The following SH3GL3 variants were observed in gnomAD, a reference collection of about 807,000 sequenced individuals.
The protein encoded by SH3GL3 is endophilin-A3.
In SH3GL3, 33 loss-of-function variants were observed where a neutral mutation model predicts 47.7. The observed-to-expected ratio is 0.69, with a 90% CI of 0.52 to 0.92. The LOEUF (loss-of-function observed/expected upper bound fraction) is 0.92. Ranked by LOEUF, SH3GL3 falls within the 40% of genes least tolerant of loss-of-function variation. The probability of loss-of-function intolerance (pLI) is 0.00; values close to 1 mark genes in which losing one functional copy is unlikely to be tolerated. For missense variants in SH3GL3, 363 were observed against 417.8 expected (o/e 0.87, Z 1.14); for synonymous variants, 155 against 148.8 (o/e 1.04, Z -0.30).
intron 1 of SH3GL3, among the ~76,000 whole-genome samples, chr15:83,518,005 G>C (rs1386665844): frequency 6.6e-6 from 1 of 152,112 alleles, no homozygotes; most frequent in Non-Finnish European, 1.5e-5. Context: ...TGCAGTATTT[G>C]GTTTTCTGTT....
At chr15:83,611,047 T>G (rs1163577268) in intron 8 of SH3GL3, among the ~76,000 whole-genome samples, 1 of 151,406 alleles carries the variant, frequency 6.6e-6, no homozygotes, top group African/African-American at 2.4e-5. Context: ...TCTATATATA[T>G]ATATAGAGAC....
At chr15:83,465,218 G>A (rs1002702401) in intron 1 of SH3GL3, among the ~76,000 whole-genome samples, 77 of 151,962 alleles carry the variant, frequency 5.1e-4, no homozygotes, top group African/African-American at 1.8e-3. Flanking sequence ...GCTGAGGTAG[G>A]AGACTGTCTT....
intron 3 of SH3GL3, among the ~76,000 whole-genome samples, chr15:83,566,849 T>C (rs72760377): frequency 0.04 from 6,160 of 152,294 alleles, 160 homozygotes; most frequent in Non-Finnish European, 0.061. Context: ...GGAATGTCAC[T>C]ACTCACAGTG....
intron 1 of SH3GL3, among the ~76,000 whole-genome samples, chr15:83,477,125 CTG>C (rs1269957961): frequency 3.9e-5 from 6 of 152,106 alleles, no homozygotes; most frequent in Non-Finnish European, 7.3e-5. Context: ...GGAAGAATGA[CTG>C]TGGTATGTTT....
intron 1 of SH3GL3, among the ~76,000 whole-genome samples, chr15:83,495,981 A>AT (rs142046826): frequency 0.16 from 24,850 of 151,966 alleles, 2,213 homozygotes; most frequent in Middle Eastern, 0.22. Flanking sequence ...TAAAAAAAAA[A>AT]GGAGCGGGGA....
At chr15:83,591,661 T>C (rs1317008212) in intron 8 of SH3GL3, among the ~76,000 whole-genome samples, 3 of 152,002 alleles carry the variant, frequency 2.0e-5, no homozygotes, top group Non-Finnish European at 2.9e-5. Context: ...AGTATATGTG[T>C]ATACATTTTT....
chr15:83,611,007 T>C (rs1375221592), intron 8 of SH3GL3, among the ~76,000 whole-genome samples: 2 of 150,582 alleles, frequency 1.3e-5, no homozygotes, highest in Non-Finnish European at 3.0e-5. Flanking sequence ...ATAATATGTA[T>C]GTGTGTGTGT....
At chr15:83,616,783 G>A (rs2060830775) in intron 8 of SH3GL3, among the ~76,000 whole-genome samples, 1 of 151,696 alleles carries the variant, frequency 6.6e-6, no homozygotes, top group Non-Finnish European at 1.5e-5. Flanking sequence ...AAGAGAAATC[G>A]AGAAAAACAG....
intron 1 of SH3GL3, among the ~76,000 whole-genome samples, chr15:83,506,590 A>G (rs547194438): frequency 3.9e-5 from 6 of 152,160 alleles, no homozygotes; most frequent in Admixed American, 1.3e-4. Flanking sequence ...TAATATTAAC[A>G]TAATTATTTT....
rs2039501075 is a variant in SH3GL3 at position 83,447,633 on chromosome 15, C to T, written c.45+55C>T. On this transcript the variant is annotated intron_variant, in intron 1 of 8. Coordinates refer to ENST00000427482, the MANE Select transcript of SH3GL3 (RefSeq NM_003027.5). This position sits in a 1 kb window ranked among gnomAD's most constrained non-coding sequence, Gnocchi z 5.1. The stretch of plus-strand genomic sequence containing the variant: ...AGGGGGACGCGGAGGCTGCGGCCCC[C>T]CGAGGCTCCCGGGCCTTTGGGACTC... The T allele has an allele frequency of 5.3e-6, 7 of 1,323,636 alleles. No individual in the cohort carries two copies. Among genetic ancestry groups the T allele is most frequent in the African/African-American group, 1.5e-5 (1 of 65,130 alleles). The allele number at this position is 1,323,636 out of a possible 1,614,324, so 82.0% of individuals were successfully genotyped here.
the SH3GL3 span, among the ~76,000 whole-genome samples, chr15:83,633,726 G>T: frequency 6.6e-6 from 1 of 152,158 alleles, no homozygotes; most frequent in Non-Finnish European, 1.5e-5. Context: ...CCCCTGCTTT[G>T]TGCCTTAGAA....
Position 83,573,954 on chromosome 15 carries a change from G to A in SH3GL3, c.465+1256G>A, listed in dbSNP as rs949651758. On this transcript the variant is annotated intron_variant, in intron 5 of 8. Transcript: ENST00000427482. ...GAGAGATGAGCCCAGGGACATGAAG[G>A]AGAAGCACCTCTTTCAGCCTGGATG... Among the ~76,000 whole-genome samples, 6 of 152,206 alleles carry A rather than the reference G, an allele frequency of 3.9e-5. No homozygotes were observed. In the South Asian group the frequency reaches 6.2e-4, roughly 16 times the overall value.
chr15:83,547,179 C>A (rs1461984913), intron 1 of SH3GL3, among the ~76,000 whole-genome samples: 1 of 152,164 alleles, frequency 6.6e-6, no homozygotes, highest in East Asian at 1.9e-4. Flanking sequence ...ATTTAGGACC[C>A]CAGAACACTT....
At chr15:83,500,919 G>A (rs562175062) in intron 1 of SH3GL3, among the ~76,000 whole-genome samples, 7 of 152,156 alleles carry the variant, frequency 4.6e-5, no homozygotes, top group Non-Finnish European at 7.4e-5. Flanking sequence ...TCCTTGTCTC[G>A]GGCTCTGCTT....
At chr15:83,600,417 A>G (rs1596332863) in intron 8 of SH3GL3, among the ~76,000 whole-genome samples, 1 of 152,130 alleles carries the variant, frequency 6.6e-6, no homozygotes, top group African/African-American at 2.4e-5. Flanking sequence ...TAGCTTGCCA[A>G]TTATCCCAAC....
intron 1 of SH3GL3, among the ~76,000 whole-genome samples, chr15:83,451,822 T>G (rs1264379891): frequency 1.6e-4 from 9 of 54,616 alleles, no homozygotes; most frequent in African/African-American, 7.1e-4. Flanking sequence ...TAGATCCCAT[T>G]TGTCAATTTT....
the SH3GL3 span, among the ~76,000 whole-genome samples, chr15:83,628,849 A>C: frequency 1.7e-4 from 26 of 152,192 alleles, no homozygotes; most frequent in African/African-American, 6.0e-4. Context: ...GTAAAAAAAA[A>C]CAACCAAAAA....
intron 6 of SH3GL3, among the ~76,000 whole-genome samples, chr15:83,583,364 A>G (rs894455656): frequency 2.0e-5 from 3 of 152,200 alleles, no homozygotes; most frequent in Non-Finnish European, 4.4e-5. Flanking sequence ...TGCTCCTTCT[A>G]GGCACCCCAG....
chr15:83,495,913 A>T (rs1454393226), intron 1 of SH3GL3, among the ~76,000 whole-genome samples: 2 of 151,906 alleles, frequency 1.3e-5, no homozygotes, highest in Non-Finnish European at 2.9e-5. Context: ...GTGTGTGTGT[A>T]TGTGTAGTAC....
Sources: gnomAD v4.1 joint callset for allele counts (sites outside exome capture counted in the v4.1 genomes callset) on GRCh38, gnomAD v4.1.1 for gene constraint, Gnocchi (gnomAD v3.1) non-coding constraint, MANE v1.5 for transcripts, NCBI Gene and HGNC (gene_info 2026-07-23, HGNC 2026-07-21) for gene names.